The following CABP7 variants were observed in gnomAD, a reference collection of about 807,000 sequenced individuals.
The protein encoded by CABP7 is calcium-binding protein 7.
In CABP7, 13 loss-of-function variants were observed where a neutral mutation model predicts 23.1. The observed-to-expected ratio is 0.56, with a 90% confidence interval of 0.37 to 0.90. The LOEUF (loss-of-function observed/expected upper bound fraction) is 0.90. Ranked by LOEUF, CABP7 falls within the 40% of genes least tolerant of loss-of-function variation. The pLI, the probability that CABP7 is intolerant of heterozygous loss-of-function variation, is 0.01. For synonymous variants in CABP7, 123 were observed against 115.3 expected (o/e 1.07, Z -0.43); for missense variants, 248 against 295.6 (o/e 0.84, Z 1.18).
At position 29,729,830 on chromosome 22, in the gene CABP7, T is replaced by G; in HGVS notation, c.*261T>G. The G allele has an allele frequency of 2.0e-6, 1 of 505,670 alleles. No homozygotes were observed. Among genetic ancestry groups the G allele is most frequent in the Non-Finnish European group, 3.5e-6 (1 of 284,906 alleles). The allele number at this position is 505,670 out of a possible 1,614,324, so 31.3% of individuals were successfully genotyped here. ...ACCCTGGCCTGTAAGGAGCACTCAC[T>G]CTTCCTACCATCCAGGGGCTCCTGG... On this transcript the variant is annotated 3_prime_UTR_variant, in exon 5 of 5. Coordinates refer to ENST00000216144, the MANE Select transcript of CABP7 (RefSeq NM_182527.3).
chr22:29,720,399 GGGCGGGCGGGCGC>G lies in CABP7; in HGVS notation c.-23_-11del. On this transcript the variant is annotated 5_prime_UTR_variant, in exon 1 of 5. Transcript: ENST00000216144. This position sits in a 1 kb window ranked among gnomAD's most constrained non-coding sequence, Gnocchi z 5.2. Reference sequence around the variant, plus strand: ...GAGCCCCGGCCTCAAAGTTTGCGGCGGGCGGGCGGGCGCGGAGCCTCCAAGATGCCGTTCCACC... The same window carrying G: ...GAGCCCCGGCCTCAAAGTTTGCGGCGGGAGCCTCCAAGATGCCGTTCCACC... 1 of 1,421,746 alleles carries G rather than the reference GGGCGGGCGGGCGC, an allele frequency of 7.0e-7. No individual in the cohort carries two copies. Among genetic ancestry groups the G allele is most frequent in the Non-Finnish European group, 9.3e-7 (1 of 1,070,882 alleles). The allele number at this position is 1,421,746 out of a possible 1,614,324, so 88.1% of individuals were successfully genotyped here.
At chr22:29,723,179 G>T (rs2067773615) in intron 1 of CABP7, among the ~76,000 whole-genome samples, 1 of 152,220 alleles carries the variant, frequency 6.6e-6, no homozygotes. Context: ...GCCCGTGAGG[G>T]TGTGCAGGAG....
rs527875375 is a variant in CABP7, at chr22:29,725,517, A to G, written c.110-2145A>G. 3.8e-3 allele frequency among the ~76,000 whole-genome samples: 584 copies of G among 152,316 alleles called. 1 individual carries two copies. The highest frequency in any genetic ancestry group is 6.9e-3 in the Non-Finnish European group (469 of 68,026). On this transcript the variant is annotated intron_variant, in intron 1 of 4. Coordinates refer to ENST00000216144, the MANE Select transcript of CABP7 (RefSeq NM_182527.3). ...CAGGGACACAGCCACGAACAAGACCAGCCCCTCCCTGCTGTCATGGCCCTT... is the reference window on the plus strand; with the variant it reads ...CAGGGACACAGCCACGAACAAGACCGGCCCCTCCCTGCTGTCATGGCCCTT...
In CABP7 at chr22:29,727,802, G is replaced by C. The variant is rs1269176198; in HGVS notation, c.250G>C (p.Asp84His). The change falls in exon 2 of 5, where the codon GAT (aspartate) becomes CAT (histidine). Residue 84 changes from aspartate (D) to histidine (H), a missense_variant. Coordinates refer to ENST00000216144, the MANE Select transcript of CABP7 (RefSeq NM_182527.3). This position sits in a 1 kb window ranked among gnomAD's most constrained non-coding sequence, Gnocchi z 4.2. The stretch of plus-strand genomic sequence containing the variant: ...GGTCATCATCCAGCGGCTGGACATG[G>C]ATGGTGAGCACCCCCCCGCCTCGGT... ...LEVIIQRLDMDGDGQVDFEEF... is the reference protein window; with the variant it reads ...LEVIIQRLDMHGDGQVDFEEF... 6.2e-7 allele frequency: 1 copy of C among 1,607,366 alleles called. No homozygotes were observed. The highest frequency in any genetic ancestry group is 1.1e-5 in the South Asian group (1 of 90,416).
Position 29,728,663 on chromosome 22 carries a change from C to A in CABP7, c.287C>A (p.Thr96Asn), listed in dbSNP as rs776840739. The A allele has an allele frequency of 6.2e-7, 1 of 1,613,570 alleles. No individual in the cohort carries two copies. The highest frequency in any genetic ancestry group is 1.1e-5 in the South Asian group (1 of 91,076). The change falls in exon 3 of 5, where the codon ACC becomes AAC. Residue 96 changes from threonine to asparagine, a missense_variant. Coordinates refer to ENST00000216144, the MANE Select transcript of CABP7 (RefSeq NM_182527.3). The part of the protein sequence containing the change: ...DGQVDFEEFV[T>N]LLGPKLSTSG... Reference sequence around the variant, plus strand: ...CAAGTGGACTTTGAGGAGTTTGTGACCCTTCTGGGACCCAAACTCTCCACC... The same window carrying A: ...CAAGTGGACTTTGAGGAGTTTGTGAACCTTCTGGGACCCAAACTCTCCACC...
At chr22:29,721,190 G>C (rs1271074990) in intron 1 of CABP7, among the ~76,000 whole-genome samples, 1 of 152,146 alleles carries the variant, frequency 6.6e-6, no homozygotes, top group African/African-American at 2.4e-5. Flanking sequence ...GCCTGGAAGG[G>C]AAAGGCAGAG....
chr22:29,729,214 T>G lies in CABP7; in HGVS notation c.520+6T>G. On this transcript the variant is annotated splice_donor_region_variant and intron_variant, in intron 4 of 4. Transcript: ENST00000216144. ...GTGTCCCGTGGATGTGGAGAGTGAG[T>G]GGCTGGCCCTGGAACCCCACGGGTG... The G allele has an allele frequency of 6.3e-7, 1 of 1,599,954 alleles. No homozygotes were observed. The highest frequency in any genetic ancestry group is 8.5e-7 in the Non-Finnish European group (1 of 1,174,424).
intron 1 of CABP7, among the ~76,000 whole-genome samples, chr22:29,724,235 C>T (rs2067780644): frequency 6.6e-6 from 1 of 152,186 alleles, no homozygotes. Context: ...AGATGAGACA[C>T]CCGAGGCTTA....
rs772614797 is a variant in CABP7, at chr22:29,729,137, T to C, written c.449T>C (p.Ile150Thr). The part of the protein sequence containing the change: ...TFCEHLSMKD[I>T]ENIIMTEEES... ...TGCGAGCACCTGTCCATGAAGGACA[T>C]AGAGAACATCATCATGACGGAGGAG... Residue 150 changes from isoleucine (I) to threonine (T), a missense_variant, in exon 4 of 5, where the codon ATA (isoleucine) becomes ACA (threonine). By Grantham distance (89) the Ile-to-Thr change is moderately conservative. Coordinates refer to ENST00000216144, the MANE Select transcript of CABP7 (RefSeq NM_182527.3). The C allele has an allele frequency of 1.2e-6, 2 of 1,611,614 alleles. No individual in the cohort carries two copies. Among genetic ancestry groups the C allele is most frequent in the Non-Finnish European group, 1.7e-6 (2 of 1,179,966 alleles).
intron 2 of CABP7, among the ~76,000 whole-genome samples, chr22:29,728,301 A>G (rs932157468): frequency 6.6e-6 from 1 of 152,068 alleles, no homozygotes; most frequent in Non-Finnish European, 1.5e-5. Context: ...TCCTGTCTAT[A>G]TGGTGGAGGA....
chr22:29,727,569 G>A lies in CABP7; in HGVS notation c.110-93G>A. 6.6e-7 allele frequency: 1 copy of A among 1,523,976 alleles called. No individual in the cohort carries two copies. The highest frequency in any genetic ancestry group is 9.0e-7 in the Non-Finnish European group (1 of 1,107,156). The allele number at this position is 1,523,976 out of a possible 1,614,324, so 94.4% of individuals were successfully genotyped here. On this transcript the variant is annotated intron_variant, in intron 1 of 4. Coordinates refer to ENST00000216144, the MANE Select transcript of CABP7 (RefSeq NM_182527.3). This position sits in a 1 kb window ranked among gnomAD's most constrained non-coding sequence, Gnocchi z 4.2. ...CTCTGGGTTGGGCTCTCAAGGCCAT[G>A]CTCAGGCTGCAGGGTCGGTGATCCT...
intron 4 of CABP7, 102 bp downstream of exon 4, chr22:29,729,310 G>T (rs1569331679): frequency 6.3e-7 from 1 of 1,576,766 alleles, no homozygotes; most frequent in African/African-American, 1.3e-5. Context: ...GGGCCTCCTT[G>T]CCTGTCCTAA....
chr22:29,720,544 G>C lies in CABP7; in HGVS notation c.109+11G>C. The C allele has an allele frequency of 8.6e-6, 13 of 1,511,534 alleles. No individual in the cohort carries two copies. Among genetic ancestry groups the C allele is most frequent in the Non-Finnish European group, 1.2e-5 (13 of 1,126,054 alleles). 93.6% of individuals were successfully genotyped at this position (1,511,534 alleles called of 1,614,324 possible). A position where few individuals can be genotyped will look rare whatever the true frequency, so the allele number is the denominator to read the frequency against. ...AGGACGAGCTGGAGGGTGAGTGTCC[G>C]CCGGGATCCCCGCCCCGGCGGCCCT... On this transcript the variant is annotated intron_variant, in intron 1 of 4. Transcript: ENST00000216144. The surrounding 1 kb of genome is among the most constrained non-coding windows in gnomAD (Gnocchi z 5.2).
At chr22:29,723,287 G>A (rs2067774637) in intron 1 of CABP7, among the ~76,000 whole-genome samples, 1 of 152,116 alleles carries the variant, frequency 6.6e-6, no homozygotes, top group African/African-American at 2.4e-5. Flanking sequence ...GGGGAGGCAT[G>A]GAGGGCAGTT....
At position 29,729,082 on chromosome 22, in the gene CABP7, G is replaced by A; in HGVS notation, c.394G>A (p.Glu132Lys). 6.2e-7 allele frequency: 1 copy of A among 1,611,536 alleles called. No homozygotes were observed. Among genetic ancestry groups the A allele is most frequent in the Non-Finnish European group, 8.5e-7 (1 of 1,179,782 alleles). ...CGACATGCAGAAGCTGACGGTGGAT[G>A]AGCTGAAGCGGCTGCTCTACGACAC... ...KCDMQKLTVD[E>K]LKRLLYDTFC... Residue 132 changes from glutamate to lysine, a missense_variant, in exon 4 of 5, where the codon GAG becomes AAG. Coordinates refer to ENST00000216144, the MANE Select transcript of CABP7 (RefSeq NM_182527.3).
At position 29,729,243 on chromosome 22, in the gene CABP7, C is replaced by T. The variant is rs2067819644; in HGVS notation, c.520+35C>T. On this transcript the variant is annotated intron_variant, in intron 4 of 4. Transcript: ENST00000216144. ...TGGCCCTGGAACCCCACGGGTGGGC[C>T]CAGTGACTTGGCCAGGGGGACGCAC... The T allele has an allele frequency of 1.9e-6, 3 of 1,587,726 alleles. 1 individual carries two copies. In the Admixed American group the frequency reaches 5.3e-5, roughly 28 times the overall value.
In CABP7 at chr22:29,720,415, A is replaced by C; in HGVS notation, c.-10A>C. 6.8e-7 allele frequency: 1 copy of C among 1,479,440 alleles called. No homozygotes were observed. Among genetic ancestry groups the C allele is most frequent in the Non-Finnish European group, 9.0e-7 (1 of 1,112,580 alleles). The allele number at this position is 1,479,440 out of a possible 1,614,324, so 91.6% of individuals were successfully genotyped here. A position where few individuals can be genotyped will look rare whatever the true frequency, so the allele number is the denominator to read the frequency against. On this transcript the variant is annotated 5_prime_UTR_variant, in exon 1 of 5. Coordinates refer to ENST00000216144, the MANE Select transcript of CABP7 (RefSeq NM_182527.3). This position sits in a 1 kb window ranked among gnomAD's most constrained non-coding sequence, Gnocchi z 5.2. Reference sequence around the variant, plus strand: ...GTTTGCGGCGGGCGGGCGGGCGCGGAGCCTCCAAGATGCCGTTCCACCCGG... The same window carrying C: ...GTTTGCGGCGGGCGGGCGGGCGCGGCGCCTCCAAGATGCCGTTCCACCCGG...
chr22:29,721,297 G>T (rs1396414449), intron 1 of CABP7, among the ~76,000 whole-genome samples: 2 of 152,140 alleles, frequency 1.3e-5, no homozygotes, highest in Non-Finnish European at 2.9e-5. Flanking sequence ...AGAGCAGAGG[G>T]CAGGGGCAGG....
chr22:29,723,434 C>T (rs1290966224), intron 1 of CABP7, among the ~76,000 whole-genome samples: 2 of 152,194 alleles, frequency 1.3e-5, no homozygotes, highest in African/African-American at 2.4e-5. Context: ...CATACACACA[C>T]AGCAGAGTCC....
Sources: gnomAD v4.1 joint callset for allele counts (sites outside exome capture counted in the v4.1 genomes callset) on GRCh38, gnomAD v4.1.1 for gene constraint, Gnocchi (gnomAD v3.1) non-coding constraint, MANE v1.5 for transcripts, NCBI Gene and HGNC (gene_info 2026-07-23, HGNC 2026-07-21) for gene names.